Variants in TRAPPC13 observed in about 807,000 individuals in gnomAD.
The protein encoded by TRAPPC13 is REV7-interacting novel NHEJ regulator 1.
Under a neutral mutation model 54.0 loss-of-function variants are expected in TRAPPC13, and 39 were observed. The observed-to-expected ratio is 0.72, with a 90% CI of 0.56 to 0.94. The LOEUF (loss-of-function observed/expected upper bound fraction) is 0.94, where lower values mean the gene tolerates loss of function less well. TRAPPC13 is among the 40% of genes least tolerant of loss of function. TRAPPC13 has a pLI of 0.00. For missense variants in TRAPPC13, 386 were observed against 488.1 expected (o/e 0.79, Z 1.97); for synonymous variants, 148 against 167.7 (o/e 0.88, Z 0.91).
rs1263745622 is a variant in TRAPPC13 at position 65,650,660 on chromosome 5, T to C, written c.429-150T>C. ...TGTTGTTCATGTAATTATGTCCATA[T>C]CTATTCTGACTTTTTCCCCTGCTCT... On this transcript the variant is annotated intron_variant, in intron 5 of 12. Transcript: ENST00000399438. 6.7e-6 allele frequency: 4 copies of C among 593,852 alleles called. No homozygotes were observed. The Admixed American group carries it at 8.9e-5, about 13-fold the overall frequency. 36.8% of individuals were successfully genotyped at this position (593,852 alleles called of 1,614,324 possible). A position where few individuals can be genotyped will look rare whatever the true frequency, so the allele number is the denominator to read the frequency against.
chr5:65,635,189 T>A (rs1337613030), intron 1 of TRAPPC13, 112 bp from the exon 2 acceptor site: 5 of 887,850 alleles, frequency 5.6e-6, no homozygotes, highest in Non-Finnish European at 8.5e-6. Context: ...AGGAAGTATT[T>A]AGGTTATATT....
intron 1 of TRAPPC13, among the ~76,000 whole-genome samples, chr5:65,634,299 C>A (rs1340099354): frequency 6.6e-6 from 1 of 151,948 alleles, no homozygotes; most frequent in East Asian, 1.9e-4. Context: ...CCAGCAATTT[C>A]TTTATATAAG....
Position 65,635,370 on chromosome 5 carries a change from G to A in TRAPPC13, c.115+1G>A. On this transcript the variant is annotated splice_donor_variant, in intron 2 of 12. Coordinates refer to ENST00000399438, the MANE Select transcript of TRAPPC13 (RefSeq NM_024941.4). LOFTEE classifies it high-confidence loss of function. The stretch of plus-strand genomic sequence containing the variant: ...ACATGTGAAGAGAAAGACTTACCTG[G>A]TATGGCACATGCTTTCCTCTATTTG... The A allele has an allele frequency of 6.2e-7, 1 of 1,612,094 alleles. No individual in the cohort carries two copies. The highest frequency in any genetic ancestry group is 8.5e-7 in the Non-Finnish European group (1 of 1,178,564).
intron 1 of TRAPPC13, 81 bp from the exon 2 acceptor site, chr5:65,635,217 GGAT>G (rs1402378791): frequency 8.8e-7 from 1 of 1,136,284 alleles, no homozygotes; most frequent in Non-Finnish European, 1.3e-6. Flanking sequence ...AGTATAAAAT[GGAT>G]GAATGTCATA....
intron 1 of TRAPPC13, among the ~76,000 whole-genome samples, chr5:65,626,995 C>T (rs929353148): frequency 6.6e-6 from 1 of 151,436 alleles, no homozygotes; most frequent in Non-Finnish European, 1.5e-5. Context: ...CAAAAATTAG[C>T]CAGGTGTGGT....
chr5:65,632,389 A>C (rs1397370230), intron 1 of TRAPPC13, among the ~76,000 whole-genome samples: 1 of 152,184 alleles, frequency 6.6e-6, no homozygotes. Context: ...GAAGGTTGGA[A>C]ACGCCTCCCC....
At chr5:65,629,706 C>T (rs1561760968) in intron 1 of TRAPPC13, 1 of 1,536,046 alleles carries the variant, frequency 6.5e-7, no homozygotes. Context: ...AGATTTATAC[C>T]TTGGTTTCCA....
At chr5:65,625,566 T>G (rs962618625) in intron 1 of TRAPPC13, 3 of 156,058 alleles carry the variant, frequency 1.9e-5, no homozygotes, top group African/African-American at 7.2e-5. Flanking sequence ...CTTAGATTTA[T>G]TCAAAACAAA....
intron 1 of TRAPPC13, among the ~76,000 whole-genome samples, chr5:65,634,176 G>C (rs1458603031): frequency 6.6e-6 from 1 of 151,466 alleles, no homozygotes; most frequent in Non-Finnish European, 1.5e-5. Flanking sequence ...TAGTAGAGAC[G>C]GGGTTTCACC....
chr5:65,642,301 CAA>C (rs1422467301), intron 4 of TRAPPC13, among the ~76,000 whole-genome samples: 10 of 151,250 alleles, frequency 6.6e-5, no homozygotes, highest in African/African-American at 2.4e-4. Flanking sequence ...CCAGCCTGGG[CAA>C]CAGTGTGAGA....
intron 4 of TRAPPC13, among the ~76,000 whole-genome samples, chr5:65,643,734 G>A (rs1009429575): frequency 6.6e-5 from 10 of 150,518 alleles, no homozygotes; most frequent in Admixed American, 1.3e-4. Context: ...GAAGAATGGC[G>A]TGAACCCGGG....
chr5:65,642,359 C>A (rs1339019106), intron 4 of TRAPPC13, among the ~76,000 whole-genome samples: 2 of 151,932 alleles, frequency 1.3e-5, no homozygotes, highest in Non-Finnish European at 2.9e-5. Flanking sequence ...AACATTTTCC[C>A]CTGGTCATTT....
chr5:65,646,035 G>C (rs973750687), intron 4 of TRAPPC13, among the ~76,000 whole-genome samples: 1 of 152,114 alleles, frequency 6.6e-6, no homozygotes, highest in African/African-American at 2.4e-5. Flanking sequence ...GTGAGCAAGA[G>C]AAGACGAGGT....
chr5:65,629,832 A>C, intron 1 of TRAPPC13: 1 of 1,536,108 alleles, frequency 6.5e-7, no homozygotes, highest in Non-Finnish European at 8.7e-7. Context: ...GCTAAGTCAC[A>C]CAGTTATGAT....
chr5:65,651,842 G>GTTTTTTTTTTTTTTTTTT (rs762929434), intron 6 of TRAPPC13, among the ~76,000 whole-genome samples: 1 of 41,162 alleles, frequency 2.4e-5, no homozygotes, highest in African/African-American at 9.3e-5. Context: ...ACGTGATTCA[G>GTTTTTTTTTTTTTTTTTT]TTTTTTTTTT....
intron 6 of TRAPPC13, among the ~76,000 whole-genome samples, chr5:65,651,218 G>A (rs1756417631): frequency 6.6e-6 from 1 of 152,112 alleles, no homozygotes; most frequent in Non-Finnish European, 1.5e-5. Context: ...GCCAGTTCAA[G>A]ATAGCCCAGA....
chr5:65,636,144 CTTTTT>C, intron 3 of TRAPPC13, 101 bp downstream of exon 3: 5 of 507,100 alleles, frequency 9.9e-6, no homozygotes, highest in East Asian at 3.9e-5. Context: ...ATACATTTAC[CTTTTT>C]TTTTTTTTTT....
Position 65,625,651 on chromosome 5 carries a change from A to G in TRAPPC13, c.46+545A>G, listed in dbSNP as rs567828386. On this transcript the variant is annotated intron_variant, in intron 1 of 12. Coordinates refer to ENST00000399438, the MANE Select transcript of TRAPPC13 (RefSeq NM_024941.4). ...TAATGTCAACTCTCATTTTTTGTAC[A>G]CAGCCATTTTGAGTAAGTTTGGTGA... 3.3e-5 allele frequency among the ~76,000 whole-genome samples: 5 copies of G among 152,296 alleles called. No individual in the cohort carries two copies. The East Asian group carries it at 5.8e-4, about 18-fold the overall frequency.
chr5:65,650,899 T>C lies in TRAPPC13; in HGVS notation c.501+17T>C. The C allele has an allele frequency of 6.3e-7, 1 of 1,575,000 alleles. No individual in the cohort carries two copies. The highest frequency in any genetic ancestry group is 8.7e-7 in the Non-Finnish European group (1 of 1,145,280). ...AAATTTCAGGTATTGAATATGACAATGGTAAATAGTTTTTATATGCCTTTT... is the reference window on the plus strand; with the variant it reads ...AAATTTCAGGTATTGAATATGACAACGGTAAATAGTTTTTATATGCCTTTT... On this transcript the variant is annotated intron_variant, in intron 6 of 12. Transcript: ENST00000399438.
Sources: gnomAD v4.1 joint callset for allele counts (sites outside exome capture counted in the v4.1 genomes callset) on GRCh38, gnomAD v4.1.1 for gene constraint, MANE v1.5 for transcripts, NCBI Gene and HGNC (gene_info 2026-07-23, HGNC 2026-07-21) for gene names.